The following TRAK1 variants were observed in gnomAD, a reference collection of about 807,000 sequenced individuals.
TRAK1 encodes trafficking kinesin protein 1, also known as trafficking kinesin-binding protein 1.
In TRAK1, 33 loss-of-function variants were observed where a neutral mutation model predicts 92.1. The ratio of observed to expected loss-of-function variants is 0.36; its 90% CI spans 0.27 to 0.48. The LOEUF is 0.48. Among genes scored for constraint, TRAK1 ranks in the 20% least tolerant of loss-of-function variants. The pLI, the probability that TRAK1 is intolerant of heterozygous loss-of-function variation, is 0.99. For synonymous variants in TRAK1, 521 were observed against 517.3 expected (o/e 1.01, Z -0.10); for missense variants, 1,123 against 1,257.9 (o/e 0.89, Z 1.62).
chr3:42,217,465 A>T, intron 14 of TRAK1: 8 of 985,300 alleles, frequency 8.1e-6, no homozygotes, highest in Non-Finnish European at 9.6e-6. Context: ...TTTGTATAAG[A>T]TGGGTTTGCT....
At chr3:42,222,861 C>G in intron 15 of TRAK1, 81 bp from the exon 16 acceptor site, 3 of 1,495,260 alleles carry the variant, frequency 2.0e-6, no homozygotes, top group South Asian at 1.3e-5. Flanking sequence ...TCCCTACCCC[C>G]CCTGCAGGAA....
chr3:42,201,492 A>C (rs1048598413), intron 12 of TRAK1, among the ~76,000 whole-genome samples: 3 of 152,026 alleles, frequency 2.0e-5, no homozygotes, highest in Admixed American at 1.3e-4. Context: ...CAGTTCTCCA[A>C]ATCTGTTCTG....
chr3:42,216,967 A>C (rs1007703257), intron 14 of TRAK1, among the ~76,000 whole-genome samples: 2 of 152,196 alleles, frequency 1.3e-5, no homozygotes, highest in Non-Finnish European at 2.9e-5. Flanking sequence ...CATCTTCTGC[A>C]AAGAACTTTC....
At chr3:42,110,473 C>T (rs1207756775) in intron 1 of TRAK1, among the ~76,000 whole-genome samples, 1 of 152,046 alleles carries the variant, frequency 6.6e-6, no homozygotes, top group African/African-American at 2.4e-5. Flanking sequence ...ATGAAGTAGT[C>T]CTGAAAGGGT....
In TRAK1 at chr3:42,120,508, A is replaced by G. The variant is rs533863157; in HGVS notation, c.92-4912A>G. Among the ~76,000 whole-genome samples, 7 of 151,818 alleles carry G rather than the reference A, an allele frequency of 4.6e-5. No homozygotes were observed. In the East Asian group the frequency reaches 5.8e-4, roughly 13 times the overall value. On this transcript the variant is annotated intron_variant, in intron 1 of 15. Coordinates refer to ENST00000327628, the MANE Select transcript of TRAK1 (RefSeq NM_001042646.3). ...CTGACCCTCCGTGGTTCTGCAGACA[A>G]GTTAGTAAATTCTTGCCTCTGCTTC... is the stretch of plus-strand genomic sequence containing the variant.
intron 1 of TRAK1, among the ~76,000 whole-genome samples, chr3:42,034,978 C>T (rs1702272247): frequency 6.6e-6 from 1 of 152,182 alleles, no homozygotes; most frequent in African/African-American, 2.4e-5. Flanking sequence ...TTTTCTAGGC[C>T]ACATCCCCTG....
chr3:42,195,411 C>G (rs1160123859), intron 10 of TRAK1, among the ~76,000 whole-genome samples: 1 of 152,218 alleles, frequency 6.6e-6, no homozygotes, highest in Non-Finnish European at 1.5e-5. Context: ...AGCTCTATTT[C>G]CATGGTTTGA....
At chr3:42,104,947 ATCT>A (rs1341797687) in intron 1 of TRAK1, among the ~76,000 whole-genome samples, 138 of 131,408 alleles carry the variant, frequency 1.1e-3, no homozygotes, top group African/African-American at 3.7e-3. Context: ...GAAGCTAAAA[ATCT>A]TTTTTTTTTT....
chr3:42,200,706 G>A (rs1707401085), intron 11 of TRAK1, 112 bp from the exon 12 acceptor site: 1 of 1,034,442 alleles, frequency 9.7e-7, no homozygotes, highest in South Asian at 1.4e-5. Flanking sequence ...GGCTGCTGGG[G>A]GACTCGTCAT....
chr3:42,045,322 G>T (rs996120818), intron 1 of TRAK1, among the ~76,000 whole-genome samples: 1 of 152,124 alleles, frequency 6.6e-6, no homozygotes, highest in Non-Finnish European at 1.5e-5. Context: ...ATCACCTGAG[G>T]TCAGGAGTTT....
At chr3:42,079,477 C>CTTTTTTTTTTTTTTTTTT (rs748826131) in intron 1 of TRAK1, among the ~76,000 whole-genome samples, 1 of 136,250 alleles carries the variant, frequency 7.3e-6, no homozygotes, top group African/African-American at 2.7e-5. Context: ...GCTCCTTCTT[C>CTTTTTTTTTTTTTTTTTT]TTTTTTTTTT....
intron 2 of TRAK1, among the ~76,000 whole-genome samples, chr3:42,173,124 C>T (rs573920488): frequency 1.6e-4 from 25 of 151,968 alleles, no homozygotes; most frequent in African/African-American, 4.6e-4. Flanking sequence ...CCAGCCTGGG[C>T]GACAGAGCGA....
chr3:42,099,380 G>A (rs1212641734), intron 1 of TRAK1, among the ~76,000 whole-genome samples: 1 of 152,218 alleles, frequency 6.6e-6, no homozygotes, highest in Non-Finnish European at 1.5e-5. Context: ...CAAGGAGCCA[G>A]AGGATGCTGG....
chr3:42,188,622 C>T (rs1705237913), intron 5 of TRAK1, among the ~76,000 whole-genome samples: 2 of 152,216 alleles, frequency 1.3e-5, no homozygotes, highest in Admixed American at 1.3e-4. Flanking sequence ...GTTACTTAAC[C>T]TCTGTACTTG....
At chr3:42,108,215 G>A (rs2149054138) in intron 1 of TRAK1, among the ~76,000 whole-genome samples, 1 of 152,168 alleles carries the variant, frequency 6.6e-6, no homozygotes, top group African/African-American at 2.4e-5. Flanking sequence ...TGCAGGCTGG[G>A]GGCAGTGGCT....
intron 1 of TRAK1, among the ~76,000 whole-genome samples, chr3:42,047,922 C>CTTTTT (rs11422406): frequency 1.5e-4 from 19 of 129,180 alleles, no homozygotes; most frequent in Non-Finnish European, 2.1e-4. Context: ...AGTTTCTTTT[C>CTTTTT]TTTTTTTTTT....
chr3:42,119,791 G>A (rs1415769930), intron 1 of TRAK1, among the ~76,000 whole-genome samples: 3 of 152,158 alleles, frequency 2.0e-5, no homozygotes, highest in Admixed American at 6.5e-5. Context: ...TTGGCCGTGG[G>A]CCCAGCCACA....
chr3:42,046,209 C>G (rs1414129782), intron 1 of TRAK1, among the ~76,000 whole-genome samples: 1 of 152,020 alleles, frequency 6.6e-6, no homozygotes, highest in African/African-American at 2.4e-5. Context: ...AAACTGGAAA[C>G]TTAACATGGG....
rs748962574 is a variant in TRAK1 at position 42,154,141 on chromosome 3, C to G, written c.287-22673C>G. On this transcript the variant is annotated intron_variant, in intron 2 of 15. Coordinates refer to ENST00000327628, the MANE Select transcript of TRAK1 (RefSeq NM_001042646.3). Reference sequence around the variant, plus strand: ...CAAGTTTTTGGAGCTTTGTGGTGCTCTTGTTTATTTAATTTTAATTTTGTT... The same window carrying G: ...CAAGTTTTTGGAGCTTTGTGGTGCTGTTGTTTATTTAATTTTAATTTTGTT... Among the ~76,000 whole-genome samples, 139 of 151,992 alleles carry G rather than the reference C, an allele frequency of 9.1e-4. 1 individual carries two copies. Among genetic ancestry groups the G allele is most frequent in the Non-Finnish European group, 9.3e-4 (63 of 67,980 alleles).
Sources: gnomAD v4.1 joint callset for allele counts (sites outside exome capture counted in the v4.1 genomes callset) on GRCh38, gnomAD v4.1.1 for gene constraint, MANE v1.5 for transcripts, NCBI Gene and HGNC (gene_info 2026-07-23, HGNC 2026-07-21) for gene names.